PANK4: variants seen among roughly 807,000 people sequenced by gnomAD.
PANK4 encodes the protein 4'-phosphopantetheine phosphatase.
Under a neutral mutation model 87.9 loss-of-function variants are expected in PANK4, and 40 were observed. The observed-to-expected ratio is 0.46, with a 90% CI of 0.35 to 0.59. The LOEUF is 0.59. Ranked by LOEUF, PANK4 falls within the 20% of genes least tolerant of loss-of-function variation. The pLI is 0.00. For synonymous variants in PANK4, 524 were observed against 467.4 expected (o/e 1.12, Z -1.56); for missense variants, 926 against 1,072.3 (o/e 0.86, Z 1.90).
At chr1:2,523,004 C>CCGTGT (rs1643890899) in intron 1 of PANK4, among the ~76,000 whole-genome samples, 2 of 101,264 alleles carry the variant, frequency 2.0e-5, no homozygotes, top group Admixed American at 1.0e-4. Context: ...TGACTTAACA[C>CCGTGT]AGTGCATTTC....
In PANK4 at chr1:2,519,834, T is replaced by C; in HGVS notation, c.820A>G (p.Ser274Gly). Reference protein sequence around the residue: ...TLGLSGNLIASSFGKSATADQ... With the variant: ...TLGLSGNLIAGSFGKSATADQ... Reference sequence around the variant, plus strand: ...GCGGTGGCCGACTTCCCGAAGCTGCTGGCGATGAGGTTCCCGCTCAGCCCG... The same window carrying C: ...GCGGTGGCCGACTTCCCGAAGCTGCCGGCGATGAGGTTCCCGCTCAGCCCG... Residue 274 changes from serine to glycine, a missense_variant, in exon 6 of 19, where the codon AGC becomes GGC. Ser to Gly is a moderately conservative substitution (Grantham distance 56). Coordinates refer to ENST00000378466, the MANE Select transcript of PANK4 (RefSeq NM_018216.4). The surrounding 1 kb of genome is among the most constrained non-coding windows in gnomAD (Gnocchi z 8.3). 3 of 1,580,124 alleles carry C rather than the reference T, an allele frequency of 1.9e-6. No individual in the cohort carries two copies. Among genetic ancestry groups the C allele is most frequent in the Non-Finnish European group, 2.6e-6 (3 of 1,163,966 alleles).
Position 2,515,655 on chromosome 1 carries a change from G to C in PANK4, c.1281C>G (p.Asp427Glu). ...RPLVDLPLLL[D>E]PPSYVPDTVD... Reference sequence around the variant, plus strand: ...CCGTGTCGGGCACGTAGGAGGGCGGGTCCAGGAGGAGCGGCAGGTCAACCA... The same window carrying C: ...CCGTGTCGGGCACGTAGGAGGGCGGCTCCAGGAGGAGCGGCAGGTCAACCA... Residue 427 changes from aspartate (D) to glutamate (E), a missense_variant, in exon 10 of 19, where the codon GAC (aspartate) becomes GAG (glutamate). Coordinates refer to ENST00000378466, the MANE Select transcript of PANK4 (RefSeq NM_018216.4). This position sits in a 1 kb window ranked among gnomAD's most constrained non-coding sequence, Gnocchi z 5.0. The C allele has an allele frequency of 1.9e-6, 3 of 1,613,116 alleles. No homozygotes were observed. Among genetic ancestry groups the C allele is most frequent in the Non-Finnish European group, 2.5e-6 (3 of 1,179,864 alleles).
intron 2 of PANK4, 153 bp downstream of exon 2, chr1:2,521,565 G>A (rs760714318): frequency 1.7e-5 from 13 of 767,440 alleles, no homozygotes; most frequent in African/African-American, 5.1e-5. Flanking sequence ...GAAGGGACAC[G>A]GCGGAAGGCA....
chr1:2,518,139 G>T, intron 9 of PANK4, 25 bp downstream of exon 9: 2 of 1,487,500 alleles, frequency 1.3e-6, no homozygotes, highest in Non-Finnish European at 9.2e-7. Context: ...CCTGGGGCCC[G>T]GGGCGGCCAG....
chr1:2,517,032 C>T (rs985392232), intron 9 of PANK4, among the ~76,000 whole-genome samples: 4 of 152,238 alleles, frequency 2.6e-5, no homozygotes, highest in African/African-American at 7.2e-5. Flanking sequence ...GCACTGTGGC[C>T]GTCCACGCAG....
At chr1:2,521,401 T>C in intron 2 of PANK4, 86 bp from the exon 3 acceptor site, 1 of 1,083,190 alleles carries the variant, frequency 9.2e-7, no homozygotes, top group Non-Finnish European at 1.4e-6. Context: ...TGGAGCTGGC[T>C]GTTCGCGCCA....
intron 9 of PANK4, chr1:2,516,045 G>A (rs1643767966): frequency 7.3e-6 from 3 of 412,636 alleles, no homozygotes; most frequent in Middle Eastern, 6.8e-4. Context: ...CATCCCTATA[G>A]TAACTCCCTC....
In PANK4 at chr1:2,520,186, G is replaced by A. The variant is rs1643863211; in HGVS notation, c.699+136C>T. The A allele has an allele frequency of 1.2e-6, 1 of 841,262 alleles. No homozygotes were observed. Among genetic ancestry groups the A allele is most frequent in the Non-Finnish European group, 1.9e-6 (1 of 522,130 alleles). The allele number at this position is 841,262 out of a possible 1,614,324, so 52.1% of individuals were successfully genotyped here. On this transcript the variant is annotated intron_variant, in intron 5 of 18. Coordinates refer to ENST00000378466, the MANE Select transcript of PANK4 (RefSeq NM_018216.4). The surrounding 1 kb of genome is among the most constrained non-coding windows in gnomAD (Gnocchi z 6.2). ...TCAGGGCGCAAAGAGTGAAGCCGCAGAGGCCAGAGACCCACTGACGCGAGT... is the reference window on the plus strand; with the variant it reads ...TCAGGGCGCAAAGAGTGAAGCCGCAAAGGCCAGAGACCCACTGACGCGAGT...
At chr1:2,525,230 GGCCTGGGTCTCT>G (rs1343784491) in intron 1 of PANK4, among the ~76,000 whole-genome samples, 1 of 152,168 alleles carries the variant, frequency 6.6e-6, no homozygotes, top group African/African-American at 2.4e-5. Context: ...CAGAGGGAAT[GGCCTGGGTCTCT>G]CTGAGTCCCA....
At position 2,514,103 on chromosome 1, in the gene PANK4, C is replaced by T. The variant is rs759349071; in HGVS notation, c.1488-14G>A. On this transcript the variant is annotated splice_polypyrimidine_tract_variant and intron_variant, in intron 11 of 18. Transcript: ENST00000378466. ...GTCCCATAGGCGCTGGGGACAGACA[C>T]GGCAGAGGGCGCTGAGCAGGGCAGG... 2.8e-5 allele frequency: 45 copies of T among 1,601,788 alleles called. No homozygotes were observed. Among genetic ancestry groups the T allele is most frequent in the Admixed American group, 5.0e-5 (3 of 59,978 alleles).
chr1:2,518,544 T>A lies in PANK4; in HGVS notation c.1089A>T (p.Gly363=). The change falls in exon 8 of 19, where the codon GGA becomes GGT. Residue 363 remains glycine (G), a synonymous_variant. Transcript: ENST00000378466. ...CCTGCTCAGCTCCTTTCAGGAACGC[T>A]CCGATGGCTCCCAGGTAGCCTTCGT... is the stretch of plus-strand genomic sequence containing the variant. The part of the protein sequence containing the change: ...LRHEGYLGAI[G]AFLKGAEQDN... The A allele has an allele frequency of 6.4e-7, 1 of 1,572,352 alleles. No individual in the cohort carries two copies. The highest frequency in any genetic ancestry group is 8.6e-7 in the Non-Finnish European group (1 of 1,158,696).
Position 2,515,477 on chromosome 1 carries a change from G to T in PANK4, c.1374+85C>A. 1 of 1,439,742 alleles carries T rather than the reference G, an allele frequency of 6.9e-7. No homozygotes were observed. The highest frequency in any genetic ancestry group is 9.7e-7 in the Non-Finnish European group (1 of 1,026,158). 89.2% of individuals were successfully genotyped at this position (1,439,742 alleles called of 1,614,324 possible). On this transcript the variant is annotated intron_variant, in intron 10 of 18. Coordinates refer to ENST00000378466, the MANE Select transcript of PANK4 (RefSeq NM_018216.4). The surrounding 1 kb of genome is among the most constrained non-coding windows in gnomAD (Gnocchi z 5.0). ...GGACAACACTGGCCTGTCCCCCTTC[G>T]CCACCTTGGCTTTGCCCCCGGAGCC...
rs187547584 is a variant in PANK4 at position 2,520,169 on chromosome 1, C to T, written c.699+153G>A. 4.0e-4 allele frequency among the ~76,000 whole-genome samples: 61 copies of T among 152,308 alleles called. No individual in the cohort carries two copies. The highest frequency in any genetic ancestry group is 7.9e-4 in the Non-Finnish European group (54 of 68,018). On this transcript the variant is annotated intron_variant, in intron 5 of 18. Coordinates refer to ENST00000378466, the MANE Select transcript of PANK4 (RefSeq NM_018216.4). This position sits in a 1 kb window ranked among gnomAD's most constrained non-coding sequence, Gnocchi z 6.2. ...GCTGGGACACCCAACCCTCAGGGCG[C>T]AAAGAGTGAAGCCGCAGAGGCCAGA...
In PANK4 at chr1:2,510,704, T is replaced by G. The variant is rs1433262130; in HGVS notation, c.1912A>C (p.Arg638=). ...DIILGVFPFV[R]ELLLRGTEVI... ...TCTGTCCCTCTAAGGAGTAGCTCCC[T>G]GACAAAGGGGAAGACTCCCAAAATG... Residue 638 remains arginine (R), a synonymous_variant, in exon 16 of 19, where the codon AGG becomes CGG. Coordinates refer to ENST00000378466, the MANE Select transcript of PANK4 (RefSeq NM_018216.4). The surrounding 1 kb of genome is among the most constrained non-coding windows in gnomAD (Gnocchi z 4.9). 2 of 1,607,584 alleles carry G rather than the reference T, an allele frequency of 1.2e-6. No homozygotes were observed. The highest frequency in any genetic ancestry group is 8.5e-7 in the Non-Finnish European group (1 of 1,175,102).
intron 9 of PANK4, 133 bp downstream of exon 9, chr1:2,518,031 T>C (rs1643813697): frequency 1.1e-5 from 6 of 565,970 alleles, no homozygotes; most frequent in Middle Eastern, 4.4e-4. Flanking sequence ...CCCAGGTCCA[T>C]GGGAGGATTC....
chr1:2,522,880 C>CCG (rs1643888750), intron 1 of PANK4, among the ~76,000 whole-genome samples: 10 of 4,576 alleles, frequency 2.2e-3, no homozygotes, highest in Admixed American at 5.5e-3. Context: ...ACGGAGAGCA[C>CCG]TGTGTGTGCT....
In PANK4 at chr1:2,519,063, C is replaced by T. The variant is rs113492448; in HGVS notation, c.1035+80G>A. 2.8e-3 allele frequency: 3,754 copies of T among 1,332,206 alleles called. 71 individuals carry two copies. The African/African-American group carries it at 0.049, about 17-fold the overall frequency. 82.5% of individuals were successfully genotyped at this position (1,332,206 alleles called of 1,614,324 possible). A position where few individuals can be genotyped will look rare whatever the true frequency, so the allele number is the denominator to read the frequency against. On this transcript the variant is annotated intron_variant, in intron 7 of 18. Coordinates refer to ENST00000378466, the MANE Select transcript of PANK4 (RefSeq NM_018216.4). The surrounding 1 kb of genome is among the most constrained non-coding windows in gnomAD (Gnocchi z 8.3). ...CCTCCAGGCCTCCCTGGGGGTGCTG[C>T]GGTGTCTAACCAGCATGACTGATTG...
At chr1:2,517,934 C>T (rs1643812337) in intron 9 of PANK4, among the ~76,000 whole-genome samples, 4 of 152,240 alleles carry the variant, frequency 2.6e-5, no homozygotes, top group African/African-American at 7.2e-5. Context: ...TCCGTAATTC[C>T]TGCTGAATGT....
rs1391664656 is a variant in PANK4, at chr1:2,526,549, C to G, written c.39G>C (p.Gly13=). The G allele has an allele frequency of 6.2e-7, 1 of 1,602,604 alleles. No individual in the cohort carries two copies. Among genetic ancestry groups the G allele is most frequent in the Non-Finnish European group, 8.5e-7 (1 of 1,175,230 alleles). The change falls in exon 1 of 19, where the codon GGG becomes GGC. Residue 13 remains glycine, a synonymous_variant. Transcript: ENST00000378466. ...GCGTGATGCTCTTGTCCAGACTGTC[C>G]CCGCTGCTCCCGCTGCCGCTCGCTC... The part of the protein sequence containing the change: ...ECGASGSGSS[G]DSLDKSITLP...
Sources: allele counts gnomAD v4.1 joint callset (sites outside exome capture counted in the v4.1 genomes callset), GRCh38; gene constraint gnomAD v4.1.1; non-coding constraint Gnocchi (gnomAD v3.1); transcripts MANE v1.5; gene names NCBI Gene and HGNC (gene_info 2026-07-23, HGNC 2026-07-21).